RORB: variants seen among roughly 807,000 people sequenced by gnomAD.
RORB encodes nuclear receptor ROR-beta.
In RORB, 6 loss-of-function variants were observed where a neutral mutation model predicts 59.1. That is an observed-to-expected ratio of 0.10 (90% CI 0.06 to 0.20). The LOEUF (loss-of-function observed/expected upper bound fraction) is 0.20. RORB is among the 10% of genes least tolerant of loss of function. RORB has a pLI of 1.00. For missense variants in RORB, 320 were observed against 560.5 expected (o/e 0.57, Z 4.33); for synonymous variants, 215 against 204.5 (o/e 1.05, Z -0.44).
chr9:74,632,540 A>G (rs1041363574), intron 2 of RORB, among the ~76,000 whole-genome samples: 2 of 152,170 alleles, frequency 1.3e-5, no homozygotes, highest in East Asian at 3.9e-4. Context: ...TCAAATTTCT[A>G]TTCATTCAAT....
intron 4 of RORB, among the ~76,000 whole-genome samples, chr9:74,647,126 T>C (rs1823913510): frequency 6.6e-6 from 1 of 152,186 alleles, no homozygotes; most frequent in South Asian, 2.1e-4. Flanking sequence ...CAGTATTAAC[T>C]GGGTTTAGCT....
chr9:74,537,548 A>C (rs1442295379), intron 1 of RORB, among the ~76,000 whole-genome samples: 1 of 152,068 alleles, frequency 6.6e-6, no homozygotes, highest in African/African-American at 2.4e-5. Flanking sequence ...AATAACATTT[A>C]ATTTTATTCA....
At chr9:74,620,328 G>A (rs1170063741) in intron 1 of RORB, among the ~76,000 whole-genome samples, 9 of 152,144 alleles carry the variant, frequency 5.9e-5, no homozygotes, top group East Asian at 5.8e-4. Flanking sequence ...GTTTATTTGC[G>A]TAGAGGTGTT....
intron 4 of RORB, among the ~76,000 whole-genome samples, chr9:74,654,333 G>GGAGA (rs60137307): frequency 1.6e-3 from 215 of 138,706 alleles, no homozygotes; most frequent in African/African-American, 2.8e-3. Flanking sequence ...CAGTCTCAGG[G>GGAGA]GAGAGAGAGA....
chr9:74,670,418 T>A (rs1391688377), intron 8 of RORB, among the ~76,000 whole-genome samples: 3 of 152,198 alleles, frequency 2.0e-5, no homozygotes, highest in African/African-American at 4.8e-5. Flanking sequence ...ATATGAATGA[T>A]CTATGAAAAT....
chr9:74,634,855 T>A, intron 3 of RORB, 83 bp downstream of exon 3: 3 of 1,283,034 alleles, frequency 2.3e-6, no homozygotes, highest in Non-Finnish European at 3.2e-6. Flanking sequence ...CTGGAAGAAT[T>A]CTAGATGAGG....
intron 1 of RORB, chr9:74,615,628 C>T (rs766709136): frequency 2.2e-6 from 1 of 454,358 alleles, no homozygotes; most frequent in Non-Finnish European, 4.4e-6. Context: ...AAAACTAAAG[C>T]TGACGCCACT....
At position 74,688,674 on chromosome 9, in the gene RORB, G is replaced by A. The variant is rs1307186095; in HGVS notation, c.*3056G>A. ...AATGGTATAAATTAAATATGTTGCT[G>A]AGAGCACCTCTCTGACAAGGCTTTC... On this transcript the variant is annotated 3_prime_UTR_variant, in exon 10 of 10. Coordinates refer to ENST00000376896, the MANE Select transcript of RORB (RefSeq NM_006914.4). The A allele has an allele frequency of 6.6e-6, 1 of 152,102 alleles. No homozygotes were observed. Among genetic ancestry groups the A allele is most frequent in the African/African-American group, 2.4e-5 (1 of 41,434 alleles). The allele number at this position is 152,102 out of a possible 1,614,324, so 9.4% of individuals were successfully genotyped here.
chr9:74,671,748 A>G, intron 8 of RORB, 41 bp from the exon 9 acceptor site: 1 of 1,286,594 alleles, frequency 7.8e-7, no homozygotes, highest in Non-Finnish European at 1.1e-6. Flanking sequence ...AGCAAAACAA[A>G]GTTGATGTTC....
At chr9:74,583,892 G>A (rs1587370060) in intron 1 of RORB, among the ~76,000 whole-genome samples, 1 of 152,326 alleles carries the variant, frequency 6.6e-6, no homozygotes, top group East Asian at 1.9e-4. Context: ...GCATTTGCCA[G>A]CCAGAAAATA....
intron 5 of RORB, among the ~76,000 whole-genome samples, chr9:74,661,107 C>A (rs938485968): frequency 6.6e-6 from 1 of 152,184 alleles, no homozygotes; most frequent in African/African-American, 2.4e-5. Flanking sequence ...ATAATCACAG[C>A]AGTTGTAATC....
intron 1 of RORB, among the ~76,000 whole-genome samples, chr9:74,510,152 C>A (rs1051257728): frequency 2.0e-5 from 3 of 152,160 alleles, no homozygotes; most frequent in African/African-American, 7.2e-5. Context: ...CTGCAGGACT[C>A]CAATTGATCG....
chr9:74,562,557 T>C (rs969630639), intron 1 of RORB, among the ~76,000 whole-genome samples: 5 of 152,196 alleles, frequency 3.3e-5, no homozygotes, highest in Non-Finnish European at 7.3e-5. Flanking sequence ...TTAGACCTGA[T>C]GTACTAGGAA....
rs545044977 is a variant in RORB at position 74,609,906 on chromosome 9, A to G, written c.8-20376A>G. Among the ~76,000 whole-genome samples, 4 of 152,366 alleles carry G rather than the reference A, an allele frequency of 2.6e-5. No homozygotes were observed. The South Asian group carries it at 8.3e-4, about 32-fold the overall frequency. The stretch of plus-strand genomic sequence containing the variant: ...GGCAACACTGGCATCTAGTGGATAG[A>G]GGCCAAGGATGTTTAAAATACACAG... On this transcript the variant is annotated intron_variant, in intron 1 of 9. Transcript: ENST00000376896.
chr9:74,594,215 T>C (rs1262372063), intron 1 of RORB, among the ~76,000 whole-genome samples: 2 of 152,224 alleles, frequency 1.3e-5, no homozygotes, highest in East Asian at 1.9e-4. Flanking sequence ...GAGTTATCCA[T>C]ATGCCTTTTG....
intron 1 of RORB, among the ~76,000 whole-genome samples, chr9:74,620,617 A>G (rs1305694130): frequency 1.3e-5 from 2 of 151,928 alleles, no homozygotes; most frequent in Non-Finnish European, 2.9e-5. Context: ...TTGCTTCTCT[A>G]GTTCTTTTAA....
chr9:74,535,548 CCA>C lies in RORB; in HGVS notation c.7+37577_7+37578del, dbSNP rs201028911. ...AGTAAAATCAATACCGCCCCCCCAC[CCA>C]CACACACACACTTTTATGTCTCAAT... On this transcript the variant is annotated intron_variant, in intron 1 of 9. Transcript: ENST00000376896. Among the ~76,000 whole-genome samples the C allele has an allele frequency of 7.4e-3, 1,116 of 151,546 alleles. 13 individuals carry two copies. The highest frequency in any genetic ancestry group is 0.033 in the South Asian group (159 of 4,802).
intron 1 of RORB, among the ~76,000 whole-genome samples, chr9:74,601,262 G>T (rs1036273240): frequency 2.6e-5 from 4 of 151,404 alleles, no homozygotes; most frequent in Non-Finnish European, 4.4e-5. Context: ...ATACATTAAG[G>T]CACATCACAT....
chr9:74,532,410 C>T (rs1469345439), intron 1 of RORB, among the ~76,000 whole-genome samples: 1 of 151,870 alleles, frequency 6.6e-6, no homozygotes, highest in Non-Finnish European at 1.5e-5. Context: ...CTATTTTAGT[C>T]TTATTACTAC....
Sources: gnomAD v4.1 joint callset for allele counts (sites outside exome capture counted in the v4.1 genomes callset) on GRCh38, gnomAD v4.1.1 for gene constraint, MANE v1.5 for transcripts, NCBI Gene and HGNC (gene_info 2026-07-23, HGNC 2026-07-21) for gene names.